Variants in ZNF34 observed in about 807,000 individuals in gnomAD.
ZNF34 encodes the protein zinc finger protein 34 (KOX 32).
A neutral mutation model predicts 14.4 loss-of-function variants in ZNF34; 8 were observed. The observed-to-expected ratio is 0.55, with a 90% confidence interval of 0.33 to 1.00. ZNF34 has a LOEUF of 1.00. Ranked by LOEUF, ZNF34 falls within the 50% of genes least tolerant of loss-of-function variation. The probability of loss-of-function intolerance (pLI) is 0.03; values close to 1 mark genes in which losing one functional copy is unlikely to be tolerated. For synonymous variants in ZNF34, 235 were observed against 247.9 expected (o/e 0.95, Z 0.49); for missense variants, 538 against 674.2 (o/e 0.80, Z 2.24).
Position 144,774,125 on chromosome 8 carries a change from T to A in ZNF34, c.761A>T (p.Glu254Val), listed in dbSNP as rs1825345290. The A allele has an allele frequency of 1.2e-6, 2 of 1,613,958 alleles. No individual in the cohort carries two copies. Among genetic ancestry groups the A allele is most frequent in the South Asian group, 2.2e-5 (2 of 91,090 alleles). The change falls in exon 6 of 6, where the codon GAA (glutamate) becomes GTA (valine). Residue 254 changes from glutamate (E) to valine (V), a missense_variant. Glu to Val is a moderately radical substitution (Grantham distance 121). Around this residue, in one of 3 missense-constraint regions of ZNF34, gnomAD observed 431 missense variants for 525.7 expected, o/e 0.82. Coordinates refer to ENST00000429371, the MANE Select transcript of ZNF34 (RefSeq NM_001286769.2). Reference sequence around the variant, plus strand: ...CTCATCACATTTGTAGGGCTTCTCTTCAGTGTGAAGCCGCTGATGCTTGAC... The same window carrying A: ...CTCATCACATTTGTAGGGCTTCTCTACAGTGTGAAGCCGCTGATGCTTGAC... ...NLVKHQRLHT[E>V]EKPYKCDECG...
Position 144,781,675 on chromosome 8 carries a change from C to T in ZNF34, c.-107-1395G>A, listed in dbSNP as rs562613362. Reference sequence around the variant, plus strand: ...AACATTACCAAAAAAAACAAAGCAACAGAGAAAGTTTCAACAAATCCCAAA... The same window carrying T: ...AACATTACCAAAAAAAACAAAGCAATAGAGAAAGTTTCAACAAATCCCAAA... On this transcript the variant is annotated intron_variant, in intron 1 of 5. Transcript: ENST00000429371. Among the ~76,000 whole-genome samples the T allele has an allele frequency of 1.3e-4, 20 of 152,104 alleles. No homozygotes were observed. The East Asian group carries it at 3.7e-3, about 28-fold the overall frequency.
In ZNF34 at chr8:144,779,629, C is replaced by T. The variant is rs534621808; in HGVS notation, c.-55+599G>A. 2.5e-4 allele frequency among the ~76,000 whole-genome samples: 38 copies of T among 152,170 alleles called. No individual in the cohort carries two copies. Among genetic ancestry groups the T allele is most frequent in the African/African-American group, 8.9e-4 (37 of 41,520 alleles). ...TGGCTAATTTTTGTATTTTTTTGTA[C>T]AGATGGGGTTTTGCCCAGGCTGGTC... On this transcript the variant is annotated intron_variant, in intron 2 of 5. Coordinates refer to ENST00000429371, the MANE Select transcript of ZNF34 (RefSeq NM_001286769.2). This position sits in a 1 kb window ranked among gnomAD's most constrained non-coding sequence, Gnocchi z 4.1.
intron 1 of ZNF34, among the ~76,000 whole-genome samples, chr8:144,780,759 A>C (rs528507360): frequency 6.6e-6 from 1 of 152,280 alleles, no homozygotes; most frequent in African/African-American, 2.4e-5. Flanking sequence ...ATCGCACTCC[A>C]GCCTGGGGGA....
At chr8:144,782,842 C>CAAAAAAAAAA (rs548252812) in intron 1 of ZNF34, among the ~76,000 whole-genome samples, 40 of 22,970 alleles carry the variant, frequency 1.7e-3, no homozygotes, top group African/African-American at 2.2e-3. Context: ...AAGCCTATCT[C>CAAAAAAAAAA]AAAAAAAAAA....
At position 144,773,636 on chromosome 8, in the gene ZNF34, T is replaced by A; in HGVS notation, c.1250A>T (p.Gln417Leu). 1 of 1,614,194 alleles carries A rather than the reference T, an allele frequency of 6.2e-7. No homozygotes were observed. The highest frequency in any genetic ancestry group is 8.5e-7 in the Non-Finnish European group (1 of 1,180,010). ...GGGCTTCTCTCCAGTGTGGCTTCTC[T>A]GATGTTCCACGAGTTTGGTTTTTTG... is the stretch of plus-strand genomic sequence containing the variant. ...FIQKTKLVEH[Q>L]RSHTGEKPYE... The change falls in exon 6 of 6, where the codon CAG becomes CTG. Residue 417 changes from glutamine to leucine, a missense_variant. By Grantham distance (113) the Gln-to-Leu change is moderately radical. Around this residue, in one of 3 missense-constraint regions of ZNF34, gnomAD observed 431 missense variants for 525.7 expected, o/e 0.82. Transcript: ENST00000429371. This position sits in a 1 kb window ranked among gnomAD's most constrained non-coding sequence, Gnocchi z 5.4.
intron 5 of ZNF34, among the ~76,000 whole-genome samples, chr8:144,776,929 A>AGC (rs1825558852): frequency 6.6e-6 from 1 of 151,478 alleles, no homozygotes; most frequent in African/African-American, 2.4e-5. Flanking sequence ...AAAAAAAAAA[A>AGC]AAGCAGTGTC....
intron 5 of ZNF34, among the ~76,000 whole-genome samples, chr8:144,775,141 C>T (rs967995180): frequency 6.6e-6 from 1 of 152,390 alleles, no homozygotes; most frequent in Non-Finnish European, 1.5e-5. Flanking sequence ...TCATGACTGC[C>T]ACTTTCATTA....
intron 1 of ZNF34, among the ~76,000 whole-genome samples, chr8:144,782,414 C>A (rs189577453): frequency 1.3e-5 from 2 of 151,808 alleles, no homozygotes; most frequent in Non-Finnish European, 2.9e-5. Flanking sequence ...CACTTGAATT[C>A]GGGAGGTGGA....
Position 144,777,653 on chromosome 8 carries a change from C to T in ZNF34, c.161-76G>A, listed in dbSNP as rs1360324254. Reference sequence around the variant, plus strand: ...CTAGTGCTGTCTCACCCTGGGGCTGCAGGGTAAGGGAGGCACAGGCAGAGG... The same window carrying T: ...CTAGTGCTGTCTCACCCTGGGGCTGTAGGGTAAGGGAGGCACAGGCAGAGG... On this transcript the variant is annotated intron_variant, in intron 4 of 5. Coordinates refer to ENST00000429371, the MANE Select transcript of ZNF34 (RefSeq NM_001286769.2). The surrounding 1 kb of genome is among the most constrained non-coding windows in gnomAD (Gnocchi z 4.8). The T allele has an allele frequency of 5.3e-6, 8 of 1,513,542 alleles. No individual in the cohort carries two copies. The Admixed American group carries it at 1.4e-4, about 27-fold the overall frequency. The allele number at this position is 1,513,542 out of a possible 1,614,324, so 93.8% of individuals were successfully genotyped here.
intron 1 of ZNF34, 71 bp from the exon 2 acceptor site, chr8:144,780,351 G>T: frequency 8.8e-7 from 1 of 1,142,208 alleles, no homozygotes; most frequent in Non-Finnish European, 1.3e-6. Context: ...AAATGAAGCT[G>T]TGGTAGCTAT....
rs1461221674 is a variant in ZNF34 at position 144,773,160 on chromosome 8, C to T, written c.*106G>A. 3.2e-6 allele frequency: 4 copies of T among 1,237,366 alleles called. No individual in the cohort carries two copies. Among genetic ancestry groups the T allele is most frequent in the Non-Finnish European group, 3.3e-6 (3 of 921,998 alleles). 76.6% of individuals were successfully genotyped at this position (1,237,366 alleles called of 1,614,324 possible). A position where few individuals can be genotyped will look rare whatever the true frequency, so the allele number is the denominator to read the frequency against. ...TTGTTTAATGAGAAACGTCCTTTCA[C>T]TCTGTGAAAACATCGTGTGGATAAT... is the stretch of plus-strand genomic sequence containing the variant. On this transcript the variant is annotated 3_prime_UTR_variant, in exon 6 of 6. Coordinates refer to ENST00000429371, the MANE Select transcript of ZNF34 (RefSeq NM_001286769.2). The surrounding 1 kb of genome is among the most constrained non-coding windows in gnomAD (Gnocchi z 5.4).
intron 1 of ZNF34, among the ~76,000 whole-genome samples, chr8:144,786,971 G>A (rs1826285688): frequency 6.6e-6 from 1 of 152,180 alleles, no homozygotes; most frequent in Non-Finnish European, 1.5e-5. Flanking sequence ...AGCGCATCGG[G>A]ACGCAGAAGC....
Position 144,775,498 on chromosome 8 carries a change from TA to T in ZNF34, c.281-894del, listed in dbSNP as rs556348585. Among the ~76,000 whole-genome samples the T allele has an allele frequency of 2.9e-3, 449 of 152,226 alleles. 2 individuals are homozygous for T. Among genetic ancestry groups the T allele is most frequent in the Non-Finnish European group, 2.9e-3 (198 of 68,026 alleles). On this transcript the variant is annotated intron_variant, in intron 5 of 5. Transcript: ENST00000429371. ...TGTCCTCCACAAGTAGAAGGGAACA[TA>T]AGTTGTGGTGTGTTCATACAATAGA...
rs1825392292 is a variant in ZNF34 at position 144,774,666 on chromosome 8, G to A, written c.281-61C>T. ...CTCTGACTCTGGAAGGTAGGCATGA[G>A]ATGCTGCTGGCCACCTGTGGGGAAC... On this transcript the variant is annotated intron_variant, in intron 5 of 5. Transcript: ENST00000429371. The A allele has an allele frequency of 3.3e-6, 5 of 1,534,976 alleles. No individual in the cohort carries two copies. In the South Asian group the frequency reaches 5.1e-5, roughly 16 times the overall value.
chr8:144,773,391 G>T lies in ZNF34; in HGVS notation c.1495C>A (p.Gln499Lys). 1.2e-6 allele frequency: 2 copies of T among 1,613,638 alleles called. No homozygotes were observed. Among genetic ancestry groups the T allele is most frequent in the Non-Finnish European group, 1.7e-6 (2 of 1,179,888 alleles). The change falls in exon 6 of 6, where the codon CAG becomes AAG. Residue 499 changes from glutamine (Q) to lysine (K), a missense_variant. Transcript: ENST00000429371. The surrounding 1 kb of genome is among the most constrained non-coding windows in gnomAD (Gnocchi z 5.4). Reference protein sequence around the residue: ...KAFSQSTYLIQHRRIHTGEKP... With the variant: ...KAFSQSTYLIKHRRIHTGEKP... ...TCCCCGGTGTGGATCCTCCGGTGCT[G>T]AATCAAGTACGTGCTCTGGCTGAAG...
intron 1 of ZNF34, among the ~76,000 whole-genome samples, chr8:144,786,479 C>CA (rs1379532087): frequency 8.6e-5 from 13 of 150,912 alleles, no homozygotes; most frequent in African/African-American, 2.9e-4. Context: ...ACTAAAAATA[C>CA]AAAAATTAGC....
rs1012194493 is a variant in ZNF34 at position 144,773,118 on chromosome 8, G to A, written c.*148C>T. ...TCTAAAATGAACATGCACTGCTTTT[G>A]ATTTAAGAAAAGAGGTTTGTTTAAT... On this transcript the variant is annotated 3_prime_UTR_variant, in exon 6 of 6. Coordinates refer to ENST00000429371, the MANE Select transcript of ZNF34 (RefSeq NM_001286769.2). The surrounding 1 kb of genome is among the most constrained non-coding windows in gnomAD (Gnocchi z 5.4). 4 of 862,224 alleles carry A rather than the reference G, an allele frequency of 4.6e-6. No individual in the cohort carries two copies. Among genetic ancestry groups the A allele is most frequent in the Non-Finnish European group, 6.3e-6 (4 of 629,924 alleles). The allele number at this position is 862,224 out of a possible 1,614,324, so 53.4% of individuals were successfully genotyped here. A position where few individuals can be genotyped will look rare whatever the true frequency, so the allele number is the denominator to read the frequency against.
At chr8:144,781,244 C>T (rs903795018) in intron 1 of ZNF34, among the ~76,000 whole-genome samples, 3 of 151,698 alleles carry the variant, frequency 2.0e-5, no homozygotes, top group South Asian at 4.2e-4. Context: ...ATCTACCAAA[C>T]AGGAACTGGT....
Position 144,774,241 on chromosome 8 carries a change from T to C in ZNF34, c.645A>G (p.Leu215=), listed in dbSNP as rs1447678693. ...RNSGEIFSAN[L]VVKEDQKIPT... ...GAATTTTCTGATCTTCTTTAACAAC[T>C]AAGTTTGCACTGAAGATTTCCCCAG... The change falls in exon 6 of 6, where the codon TTA becomes TTG. Residue 215 remains leucine (L), a synonymous_variant. Coordinates refer to ENST00000429371, the MANE Select transcript of ZNF34 (RefSeq NM_001286769.2). The C allele has an allele frequency of 6.2e-7, 1 of 1,614,008 alleles. No individual in the cohort carries two copies. The highest frequency in any genetic ancestry group is 1.1e-5 in the South Asian group (1 of 91,084).
Sources: gnomAD v4.1 joint callset for allele counts (sites outside exome capture counted in the v4.1 genomes callset) on GRCh38, gnomAD v4.1.1 for gene constraint, gnomAD v4.1.1 regional missense constraint, Gnocchi (gnomAD v3.1) non-coding constraint, MANE v1.5 for transcripts, NCBI Gene and HGNC (gene_info 2026-07-23, HGNC 2026-07-21) for gene names.